Variants in LMNTD2 observed in about 807,000 individuals in gnomAD.
The protein encoded by LMNTD2 is lamin tail domain-containing protein 2.
A neutral mutation model predicts 70.1 loss-of-function variants in LMNTD2; 83 were observed. The observed-to-expected ratio is 1.18, with a 90% CI of 0.99 to 1.42. The LOEUF (loss-of-function observed/expected upper bound fraction) is 1.42, where lower values mean the gene tolerates loss of function less well. Ranked by LOEUF, LMNTD2 falls within the 40% of genes most tolerant of loss-of-function variation. LMNTD2 has a pLI of 0.00. For missense variants in LMNTD2, 1,153 were observed against 905.9 expected (o/e 1.27, Z -3.50); for synonymous variants, 534 against 406.1 (o/e 1.31, Z -3.79).
intron 3 of LMNTD2, 104 bp downstream of exon 3, chr11:558,509 AG>A (rs915258416): frequency 1.9e-5 from 26 of 1,382,968 alleles, no homozygotes; most frequent in East Asian, 1.5e-4. Context: ...GGCAAGGATG[AG>A]GGTAAGGATC....
chr11:559,545 G>A (rs1311695541), intron 1 of LMNTD2: 7 of 1,221,842 alleles, frequency 5.7e-6, no homozygotes, highest in Admixed American at 5.7e-5. Context: ...TTAGCGGGGG[G>A]ACCACTTAGT....
rs770460055 is a variant in LMNTD2 at position 556,911 on chromosome 11, C to T, written c.900G>A (p.Gly300=). The T allele has an allele frequency of 3.1e-6, 5 of 1,594,964 alleles. No homozygotes were observed. The Admixed American group carries it at 5.1e-5, about 16-fold the overall frequency. ...PGLPSFVQVI[G]HPPRDHRASS... ...AAGCGCGGTGGTCCCGGGGCGGGTG[C>T]CCTATCACCTGCACGAAGGAAGGCA... Residue 300 remains glycine (G), a synonymous_variant, in exon 8 of 14, where the codon GGG becomes GGA. Coordinates refer to ENST00000329451, the MANE Select transcript of LMNTD2 (RefSeq NM_173573.3).
At position 560,281 on chromosome 11, in the gene LMNTD2, G is replaced by A. The variant is rs1853193648; in HGVS notation, c.34+402C>T. 7 of 1,029,356 alleles carry A rather than the reference G, an allele frequency of 6.8e-6. No individual in the cohort carries two copies. In the South Asian group the frequency reaches 2.7e-4, roughly 40 times the overall value. 63.8% of individuals were successfully genotyped at this position (1,029,356 alleles called of 1,614,324 possible). On this transcript the variant is annotated intron_variant, in intron 1 of 13. Transcript: ENST00000329451. ...GGGCCCTGGGCGGGACAGTAGGGTA[G>A]GGGGTGAAGGAGCGGCTTCCAGCCA... is the stretch of plus-strand genomic sequence containing the variant.
At chr11:557,675 C>T (rs555291385) in intron 5 of LMNTD2, 35 bp from the exon 6 acceptor site, 50 of 1,612,844 alleles carry the variant, frequency 3.1e-5, no homozygotes, top group Non-Finnish European at 3.6e-5. Flanking sequence ...TGGGCAGGGG[C>T]TGGGTGCTCC....
rs1852845754 is a variant in LMNTD2, at chr11:556,062, G to A, written c.1311C>T (p.Ser437=). The part of the protein sequence containing the change: ...SAKKPLRASS[S]REPVPLLSIR... ...TGGAGAGGAGGGGAACGGGCTCCCGGCTCGAGGACGCGCGCAGCGGCTTCT... is the reference window on the plus strand; with the variant it reads ...TGGAGAGGAGGGGAACGGGCTCCCGACTCGAGGACGCGCGCAGCGGCTTCT... The change falls in exon 11 of 14, where the codon AGC becomes AGT. Residue 437 remains serine (S), a synonymous_variant. Coordinates refer to ENST00000329451, the MANE Select transcript of LMNTD2 (RefSeq NM_173573.3). 6.5e-7 allele frequency: 1 copy of A among 1,547,502 alleles called. No individual in the cohort carries two copies. Among genetic ancestry groups the A allele is most frequent in the Non-Finnish European group, 8.6e-7 (1 of 1,157,702 alleles).
chr11:556,396 G>C, intron 9 of LMNTD2, 21 bp from the exon 10 acceptor site: 1 of 1,538,918 alleles, frequency 6.5e-7, no homozygotes, highest in Non-Finnish European at 8.7e-7. Flanking sequence ...AGGAGACGCT[G>C]TGAGGAGATG....
intron 1 of LMNTD2, chr11:559,274 C>G (rs1467449132): frequency 1.4e-6 from 2 of 1,479,568 alleles, no homozygotes; most frequent in Admixed American, 2.1e-5. Flanking sequence ...GGTGCTGGCC[C>G]TTTGCCTGTG....
rs1053439475 is a variant in LMNTD2, at chr11:554,909, C to G, written c.*71G>C. 9.0e-7 allele frequency: 1 copy of G among 1,109,942 alleles called. No individual in the cohort carries two copies. The highest frequency in any genetic ancestry group is 1.2e-6 in the Non-Finnish European group (1 of 815,164). The allele number at this position is 1,109,942 out of a possible 1,614,324, so 68.8% of individuals were successfully genotyped here. On this transcript the variant is annotated 3_prime_UTR_variant, in exon 14 of 14. Coordinates refer to ENST00000329451, the MANE Select transcript of LMNTD2 (RefSeq NM_173573.3). ...CACGTTGGTTCAATAAATGATGCAG[C>G]GGACACAGCCCGCCCAGCCCCGGCG...
In LMNTD2 at chr11:555,767, A is replaced by G. The variant is rs1852815642; in HGVS notation, c.1541T>C (p.Val514Ala). The G allele has an allele frequency of 6.9e-7, 1 of 1,458,672 alleles. No individual in the cohort carries two copies. The allele number at this position is 1,458,672 out of a possible 1,614,324, so 90.4% of individuals were successfully genotyped here. Reference sequence around the variant, plus strand: ...CCGGCGACTGACCCGGGGCTCCCGCACCCGGCCTTTGCGCAGGGGTCGAGG... The same window carrying G: ...CCGGCGACTGACCCGGGGCTCCCGCGCCCGGCCTTTGCGCAGGGGTCGAGG... Reference protein sequence around the residue: ...RPPRPLRKGRVREPRVSRRRP... With the variant: ...RPPRPLRKGRAREPRVSRRRP... Residue 514 changes from valine (V) to alanine (A), a missense_variant, in exon 12 of 14, where the codon GTG (valine) becomes GCG (alanine). By Grantham distance (64) the Val-to-Ala change is moderately conservative. Coordinates refer to ENST00000329451, the MANE Select transcript of LMNTD2 (RefSeq NM_173573.3).
At chr11:558,395 G>A in intron 3 of LMNTD2, 147 bp from the exon 4 acceptor site, 2 of 1,096,256 alleles carry the variant, frequency 1.8e-6, no homozygotes, top group Non-Finnish European at 2.5e-6. Context: ...GGGCTGGCCA[G>A]CCTCCGGCTG....
intron 3 of LMNTD2, 48 bp from the exon 4 acceptor site, chr11:558,296 T>A: frequency 6.3e-7 from 1 of 1,576,038 alleles, no homozygotes; most frequent in Non-Finnish European, 8.7e-7. Flanking sequence ...CAGGCAGGGG[T>A]TCCTAATGTC....
Position 556,928 on chromosome 11 carries a change from A to G in LMNTD2, c.883T>C (p.Phe295Leu). 2.5e-6 allele frequency: 4 copies of G among 1,599,842 alleles called. No individual in the cohort carries two copies. Among genetic ancestry groups the G allele is most frequent in the Non-Finnish European group, 3.4e-6 (4 of 1,177,016 alleles). ...SSSCRPGLPS[F>L]VQVIGHPPRD... ...GGCGGGTGCCCTATCACCTGCACGA[A>G]GGAAGGCAGGCCCGGCCGGCAGCTG... The change falls in exon 8 of 14, where the codon TTC becomes CTC. Residue 295 changes from phenylalanine (F) to leucine (L), a missense_variant. By Grantham distance (22) the Phe-to-Leu change is conservative (BLOSUM62 0). Transcript: ENST00000329451.
Position 556,180 on chromosome 11 carries a change from G to A in LMNTD2, c.1257+12C>T, listed in dbSNP as rs990276473. 1.5e-6 allele frequency: 2 copies of A among 1,354,360 alleles called. No individual in the cohort carries two copies. The highest frequency in any genetic ancestry group is 9.4e-7 in the Non-Finnish European group (1 of 1,061,572). The allele number at this position is 1,354,360 out of a possible 1,614,324, so 83.9% of individuals were successfully genotyped here. On this transcript the variant is annotated intron_variant, in intron 10 of 13. Coordinates refer to ENST00000329451, the MANE Select transcript of LMNTD2 (RefSeq NM_173573.3). ...CGGGCCGTCGGGGCCGGGCTCCCGG[G>A]CCGGGGCGCACCGTGACGTGGTGCC...
In LMNTD2 at chr11:556,220, G is replaced by T; in HGVS notation, c.1229C>A (p.Thr410Lys). 6.7e-7 allele frequency: 1 copy of T among 1,490,326 alleles called. No individual in the cohort carries two copies. 92.3% of individuals were successfully genotyped at this position (1,490,326 alleles called of 1,614,324 possible). A position where few individuals can be genotyped will look rare whatever the true frequency, so the allele number is the denominator to read the frequency against. ...PERLYRFPPG[T>K]LLAPRHHVTV... ...GACGTGGTGCCGCGGGGCCAGCAGCGTGCCCGGCGGGAAGCGGTACAGGCG... is the reference window on the plus strand; with the variant it reads ...GACGTGGTGCCGCGGGGCCAGCAGCTTGCCCGGCGGGAAGCGGTACAGGCG... The change falls in exon 10 of 14, where the codon ACG becomes AAG. Residue 410 changes from threonine (T) to lysine (K), a missense_variant. Coordinates refer to ENST00000329451, the MANE Select transcript of LMNTD2 (RefSeq NM_173573.3).
Position 558,150 on chromosome 11 carries a change from C to G in LMNTD2, c.399+11G>C. Reference sequence around the variant, plus strand: ...CCAGGACCCTGCCCACTCCCTGTGCCCCTGCCTCACCCACTGGGCTCGCTC... The same window carrying G: ...CCAGGACCCTGCCCACTCCCTGTGCGCCTGCCTCACCCACTGGGCTCGCTC... On this transcript the variant is annotated intron_variant, in intron 4 of 13. Transcript: ENST00000329451. 1.2e-6 allele frequency: 2 copies of G among 1,612,930 alleles called. No homozygotes were observed. The highest frequency in any genetic ancestry group is 2.2e-5 in the East Asian group (1 of 44,886).
Position 557,230 on chromosome 11 carries a change from G to A in LMNTD2, c.714-133C>T, listed in dbSNP as rs1852946785. On this transcript the variant is annotated intron_variant, in intron 7 of 13. Transcript: ENST00000329451. Reference sequence around the variant, plus strand: ...CCCAGGCTCAGTTCATGGCAGGACAGTGATGGCTGCCTCAACCCCAACGCA... The same window carrying A: ...CCCAGGCTCAGTTCATGGCAGGACAATGATGGCTGCCTCAACCCCAACGCA... 5.7e-6 allele frequency: 8 copies of A among 1,400,618 alleles called. No individual in the cohort carries two copies. The South Asian group carries it at 8.4e-5, about 15-fold the overall frequency. 86.8% of individuals were successfully genotyped at this position (1,400,618 alleles called of 1,614,324 possible).
intron 1 of LMNTD2, chr11:560,321 A>G (rs766921363): frequency 9.2e-7 from 1 of 1,089,148 alleles, no homozygotes; most frequent in Non-Finnish European, 1.1e-6. Flanking sequence ...CACTGTGTGC[A>G]TGGCCTGGCA....
Position 557,079 on chromosome 11 carries a change from T to C in LMNTD2, c.732A>G (p.Pro244=). The change falls in exon 8 of 14, where the codon CCA becomes CCG. Residue 244 remains proline, a synonymous_variant. Transcript: ENST00000329451. ...SSKQKQPRPW[P]QLDTGSPESS... ...ACTCTGGGCTCCCTGTGTCCAGCTG[T>C]GGCCAGGGCCGGGGCTGCCTGTGGA... The C allele has an allele frequency of 6.2e-7, 1 of 1,601,198 alleles. No homozygotes were observed. Among genetic ancestry groups the C allele is most frequent in the South Asian group, 1.1e-5 (1 of 89,838 alleles).
chr11:556,404 A>T (rs1430945726), intron 9 of LMNTD2, 29 bp from the exon 10 acceptor site: 1 of 1,539,930 alleles, frequency 6.5e-7, no homozygotes, highest in Admixed American at 2.0e-5. Context: ...CTGTGAGGAG[A>T]TGCGGCCGGT....
Sources: gnomAD v4.1 joint callset for allele counts on GRCh38, gnomAD v4.1.1 for gene constraint, MANE v1.5 for transcripts, NCBI Gene and HGNC (gene_info 2026-07-23, HGNC 2026-07-21) for gene names.